TOPBP1: variants seen among roughly 807,000 people sequenced by gnomAD.
TOPBP1 encodes the protein DNA topoisomerase II binding protein 1.
TOPBP1 carries 28 observed loss-of-function variants against 167.7 expected under a neutral mutation model. The ratio of observed to expected loss-of-function variants is 0.17; its 90% CI spans 0.12 to 0.23. The LOEUF (loss-of-function observed/expected upper bound fraction) is 0.23, where lower values mean the gene tolerates loss of function less well. Ranked by LOEUF, TOPBP1 falls within the 10% of genes least tolerant of loss-of-function variation. TOPBP1 has a pLI of 1.00. For synonymous variants in TOPBP1, 598 were observed against 611.4 expected, an observed-to-expected ratio of 0.98 and a Z score of 0.32; for missense variants, 1,554 against 1,809.6, an observed-to-expected ratio of 0.86 and a Z score of 2.56.
At chr3:133,609,094 T>A in intron 25 of TOPBP1, 132 bp from the exon 26 acceptor site, 1 of 726,506 alleles carries the variant, frequency 1.4e-6, no homozygotes, top group Non-Finnish European at 2.3e-6. Context: ...ACAGTATAAT[T>A]ATCTCTGGCC....
intron 25 of TOPBP1, 128 bp downstream of exon 25, chr3:133,610,876 T>C: frequency 2.0e-6 from 2 of 1,016,172 alleles, no homozygotes; most frequent in Non-Finnish European, 2.8e-6. Flanking sequence ...AAAAGAGCCA[T>C]CAAAAATTTG....
rs1319179701 is a variant in TOPBP1 at position 133,628,233 on chromosome 3, C to G, written c.2804+129G>C. The G allele has an allele frequency of 7.3e-6, 6 of 822,198 alleles. No homozygotes were observed. The East Asian group carries it at 1.6e-4, about 22-fold the overall frequency. 50.9% of individuals were successfully genotyped at this position (822,198 alleles called of 1,614,324 possible). A position where few individuals can be genotyped will look rare whatever the true frequency, so the allele number is the denominator to read the frequency against. On this transcript the variant is annotated intron_variant, in intron 16 of 27. Transcript: ENST00000260810. ...ACAGATGTGGTAAATTAAAAATCAA[C>G]TGGAGAGATTTTGTAGATAAAGATG... is the stretch of plus-strand genomic sequence containing the variant.
intron 16 of TOPBP1, among the ~76,000 whole-genome samples, chr3:133,625,615 C>T (rs749086529): frequency 1.3e-4 from 19 of 151,870 alleles, no homozygotes; most frequent in Non-Finnish European, 5.9e-5. Flanking sequence ...CCTGTAATAC[C>T]AGCTACTCAG....
At chr3:133,649,192 G>A (rs570219553) in intron 10 of TOPBP1, among the ~76,000 whole-genome samples, 191 bp downstream of exon 10, 177 of 152,250 alleles carry the variant, frequency 1.2e-3, no homozygotes, top group Non-Finnish European at 1.3e-3. Flanking sequence ...CTGGAGACAG[G>A]AGAGAGGGTT....
intron 8 of TOPBP1, 33 bp from the exon 9 acceptor site, chr3:133,649,976 A>C (rs1936229067): frequency 6.7e-7 from 1 of 1,486,884 alleles, no homozygotes; most frequent in East Asian, 2.5e-5. Context: ...TATACATAAC[A>C]TGCTTTCTCT....
chr3:133,656,944 G>A (rs1239179874), intron 4 of TOPBP1, 87 bp from the exon 5 acceptor site: 10 of 1,214,118 alleles, frequency 8.2e-6, no homozygotes, highest in African/African-American at 7.8e-5. Flanking sequence ...ACATTTTGCT[G>A]TTGACAGTTT....
At chr3:133,656,015 C>T (rs1309850637) in intron 5 of TOPBP1, among the ~76,000 whole-genome samples, 2 of 151,254 alleles carry the variant, frequency 1.3e-5, no homozygotes, top group African/African-American at 2.4e-5. Flanking sequence ...TGAAAACAAG[C>T]CCAGAAAAGT....
chr3:133,607,296 G>T (rs1341788200), intron 27 of TOPBP1, among the ~76,000 whole-genome samples: 2 of 150,980 alleles, frequency 1.3e-5, no homozygotes, highest in African/African-American at 4.9e-5. Flanking sequence ...GTATATTATT[G>T]GTGGAAAGTG....
chr3:133,660,985 CA>C, intron 2 of TOPBP1, 58 bp downstream of exon 2: 1 of 1,333,862 alleles, frequency 7.5e-7, no homozygotes, highest in Non-Finnish European at 1.0e-6. Context: ...CCCAACAAAT[CA>C]AAAACACTTA....
chr3:133,659,345 A>G (rs1160731641), intron 2 of TOPBP1, among the ~76,000 whole-genome samples, 195 bp from the exon 3 acceptor site: 3 of 152,162 alleles, frequency 2.0e-5, no homozygotes, highest in East Asian at 1.9e-4. Flanking sequence ...ACAGCAGCTA[A>G]TAATCTTTTC....
At position 133,638,091 on chromosome 3, in the gene TOPBP1, G is replaced by A. The variant is rs772205449; in HGVS notation, c.2305C>T (p.Arg769Cys). ...NSDTAEHPGT[R>C]LQTHRKTVVT... The stretch of plus-strand genomic sequence containing the variant: ...ACGGTTTTTCTGTGAGTTTGCAGGC[G>A]TGTGCCAGGATGCTCTGCAGTATCT... Residue 769 changes from arginine to cysteine, a missense_variant, in exon 14 of 28, where the codon CGC (arginine) becomes TGC (cysteine). Arg to Cys is a radical substitution (Grantham distance 180, BLOSUM62 -3). Coordinates refer to ENST00000260810, the MANE Select transcript of TOPBP1 (RefSeq NM_007027.4). 12 of 1,613,884 alleles carry A rather than the reference G, an allele frequency of 7.4e-6. No individual in the cohort carries two copies. Among genetic ancestry groups the A allele is most frequent in the East Asian group, 2.2e-5 (1 of 44,900 alleles).
intron 16 of TOPBP1, among the ~76,000 whole-genome samples, chr3:133,626,073 T>G (rs935244762): frequency 3.3e-5 from 5 of 152,120 alleles, no homozygotes; most frequent in Non-Finnish European, 7.4e-5. Flanking sequence ...TTTGGCAAAT[T>G]TTTTCTTAAA....
chr3:133,622,116 A>C (rs905741156), intron 19 of TOPBP1, among the ~76,000 whole-genome samples: 8 of 152,092 alleles, frequency 5.3e-5, no homozygotes, highest in Non-Finnish European at 2.9e-5. Context: ...ATCTACTGAT[A>C]TAAAACACTA....
At chr3:133,617,133 G>A (rs11707750) in intron 22 of TOPBP1, 27 bp downstream of exon 22, 1 of 1,578,634 alleles carries the variant, frequency 6.3e-7, no homozygotes, top group Non-Finnish European at 8.6e-7. Context: ...TGCAAAAGCT[G>A]TATCACCATA....
At position 133,608,729 on chromosome 3, in the gene TOPBP1, C is replaced by T. The variant is rs761772376; in HGVS notation, c.4264-33G>A. The T allele has an allele frequency of 1.9e-6, 3 of 1,609,072 alleles. No individual in the cohort carries two copies. In the South Asian group the frequency reaches 3.3e-5, roughly 18 times the overall value. ...AAAAACAAGGTAGTATCACAATCTA[C>T]CAGTATTCCAAAGTAGTTCAGCTGT... On this transcript the variant is annotated intron_variant, in intron 26 of 27. Transcript: ENST00000260810.
At chr3:133,646,575 CG>C (rs1190268855) in intron 10 of TOPBP1, among the ~76,000 whole-genome samples, 1 of 150,536 alleles carries the variant, frequency 6.6e-6, no homozygotes, top group African/African-American at 2.5e-5. Flanking sequence ...TGCGTGAACT[CG>C]GGAGGAGGAG....
At chr3:133,628,093 G>C (rs572093812) in intron 16 of TOPBP1, 5 of 377,630 alleles carry the variant, frequency 1.3e-5, no homozygotes, top group Non-Finnish European at 2.4e-5. Flanking sequence ...TGGATCCCAG[G>C]TTTCTAGAAT....
chr3:133,608,910 G>T lies in TOPBP1; in HGVS notation c.4226C>A (p.Ala1409Glu). The change falls in exon 26 of 28, where the codon GCA becomes GAA. Residue 1409 changes from alanine (A) to glutamate (E), a missense_variant. Ala to Glu is a moderately radical substitution (Grantham distance 107). Coordinates refer to ENST00000260810, the MANE Select transcript of TOPBP1 (RefSeq NM_007027.4). ...VILHVDQSRE[A>E]GFKRLLQSGG... ...TGACTGAAGAAGGCGTTTGAAGCCT[G>T]CTTCTCGAGACTGATCCACATGTAA... The T allele has an allele frequency of 2.5e-6, 4 of 1,613,262 alleles. No individual in the cohort carries two copies. The highest frequency in any genetic ancestry group is 3.4e-6 in the Non-Finnish European group (4 of 1,179,612).
chr3:133,643,374 T>C lies in TOPBP1; in HGVS notation c.1849-2A>G. 1 of 1,563,490 alleles carries C rather than the reference T, an allele frequency of 6.4e-7. No individual in the cohort carries two copies. The highest frequency in any genetic ancestry group is 2.1e-5 in the Admixed American group (1 of 48,438). On this transcript the variant is annotated splice_acceptor_variant, in intron 11 of 27. Coordinates refer to ENST00000260810, the MANE Select transcript of TOPBP1 (RefSeq NM_007027.4). LOFTEE classifies it high-confidence loss of function. ...AGTCTGATAGTCTATGCAAGTAACC[T>C]TTTAAAAACAAAAGAAATAGTAAAG...
Sources: gnomAD v4.1 joint callset for allele counts (sites outside exome capture counted in the v4.1 genomes callset) on GRCh38, gnomAD v4.1.1 for gene constraint, MANE v1.5 for transcripts, NCBI Gene and HGNC (gene_info 2026-07-23, HGNC 2026-07-21) for gene names.